COL11A1: variants seen among roughly 807,000 people sequenced by gnomAD.
The protein encoded by COL11A1 is collagen alpha-1(XI) chain.
In COL11A1, 74 loss-of-function variants were observed where a neutral mutation model predicts 265.2. That is an observed-to-expected ratio of 0.28 (90% CI 0.23 to 0.34). COL11A1 has a LOEUF of 0.34. COL11A1 is among the 10% of genes least tolerant of loss of function. The pLI, the probability that COL11A1 is intolerant of heterozygous loss-of-function variation, is 1.00. For synonymous variants in COL11A1, 816 were observed against 727.6 expected (o/e 1.12, Z -1.96); for missense variants, 2,165 against 2,263.6 (o/e 0.96, Z 0.88).
At chr1:103,080,955 A>G (rs1386883103) in intron 2 of COL11A1, among the ~76,000 whole-genome samples, 1 of 151,842 alleles carries the variant, frequency 6.6e-6, no homozygotes, top group African/African-American at 2.4e-5. Flanking sequence ...TTATTGCAAT[A>G]TTATTCATAA....
intron 37 of COL11A1, among the ~76,000 whole-genome samples, chr1:102,968,477 T>C (rs1661649509): frequency 6.6e-6 from 1 of 152,224 alleles, no homozygotes; most frequent in Non-Finnish European, 1.5e-5. Flanking sequence ...CAAATGAATG[T>C]AAGATGTCAG....
chr1:103,080,618 A>T (rs139432728), intron 2 of COL11A1, among the ~76,000 whole-genome samples: 1 of 151,984 alleles, frequency 6.6e-6, no homozygotes, highest in African/African-American at 2.4e-5. Context: ...AACTGCAATG[A>T]GCTATTACCC....
chr1:103,048,388 C>T (rs1199261950), intron 4 of COL11A1, among the ~76,000 whole-genome samples: 2 of 152,140 alleles, frequency 1.3e-5, no homozygotes, highest in Non-Finnish European at 2.9e-5. Context: ...AGTTTATTTG[C>T]ATAGAGGTGT....
chr1:103,074,920 A>T, intron 3 of COL11A1, 140 bp from the exon 4 acceptor site: 2 of 1,004,752 alleles, frequency 2.0e-6, no homozygotes, highest in Non-Finnish European at 3.0e-6. Flanking sequence ...TTTATTAAGC[A>T]GCCAGTTAAC....
Position 102,878,128 on chromosome 1 carries a change from T to G in COL11A1, c.5312A>C (p.Asn1771Thr), listed in dbSNP as rs1195447527. The change falls in exon 67 of 67, where the codon AAT becomes ACT. Residue 1771 changes from asparagine (N) to threonine (T), a missense_variant. By Grantham distance (65) the Asn-to-Thr change is moderately conservative. Transcript: ENST00000370096. ...KGYEKTVIEINTPKIDQVPIV... is the reference protein window; with the variant it reads ...KGYEKTVIEITTPKIDQVPIV... ...AGGTACTTGATCAATTTTTGGTGTATTGATTTCAATGACAGTCTTTTCATA... is the reference window on the plus strand; with the variant it reads ...AGGTACTTGATCAATTTTTGGTGTAGTGATTTCAATGACAGTCTTTTCATA... The G allele has an allele frequency of 3.1e-6, 5 of 1,613,140 alleles. No homozygotes were observed. The highest frequency in any genetic ancestry group is 1.3e-5 in the African/African-American group (1 of 74,882).
chr1:102,939,696 C>T (rs988846830), intron 43 of COL11A1, among the ~76,000 whole-genome samples: 1 of 150,336 alleles, frequency 6.7e-6, no homozygotes, highest in African/African-American at 2.5e-5. Flanking sequence ...AAAAAAGACT[C>T]TCTCTCTCAA....
chr1:103,041,790 A>G (rs1668830638), intron 4 of COL11A1, among the ~76,000 whole-genome samples: 1 of 152,042 alleles, frequency 6.6e-6, no homozygotes, highest in African/African-American at 2.4e-5. Flanking sequence ...AACATGCAAT[A>G]TCTGTTGAAC....
intron 13 of COL11A1, 87 bp from the exon 14 acceptor site, chr1:103,012,556 A>C: frequency 1.0e-6 from 1 of 958,402 alleles, no homozygotes; most frequent in Non-Finnish European, 1.7e-6. Flanking sequence ...GCTGCCCTTA[A>C]GTAATACATG....
At chr1:103,015,966 T>G (rs186887711) in intron 11 of COL11A1, among the ~76,000 whole-genome samples, 2 of 152,188 alleles carry the variant, frequency 1.3e-5, no homozygotes, top group East Asian at 3.9e-4. Flanking sequence ...CCAATTAAGC[T>G]ATAAATTTTG....
intron 52 of COL11A1, 30 bp from the exon 53 acceptor site, chr1:102,913,720 A>T: frequency 1.3e-6 from 2 of 1,598,798 alleles, no homozygotes; most frequent in South Asian, 2.2e-5. Flanking sequence ...ATGAAGCAAG[A>T]TATATCTCAG....
chr1:102,914,780 T>G lies in COL11A1; in HGVS notation c.3848A>C (p.Glu1283Ala), dbSNP rs1474826014. The change falls in exon 51 of 67, where the codon GAA becomes GCA. Residue 1283 changes from glutamate to alanine, a missense_variant. Glu to Ala is a moderately radical substitution (Grantham distance 107). Coordinates refer to ENST00000370096, the MANE Select transcript of COL11A1 (RefSeq NM_001854.4). ...GPKGERGEKG[E>A]AGPPGAAGPP... ...TCCAGCAGCTCCAGGTGGACCAGCT[T>G]CCCCTTTCTCTCCTCTTTCTCCTTT... 1 of 1,611,434 alleles carries G rather than the reference T, an allele frequency of 6.2e-7. No homozygotes were observed. Among genetic ancestry groups the G allele is most frequent in the Admixed American group, 1.7e-5 (1 of 59,618 alleles).
At chr1:102,999,155 G>C (rs1664891474) in intron 24 of COL11A1, among the ~76,000 whole-genome samples, 1 of 152,012 alleles carries the variant, frequency 6.6e-6, no homozygotes, top group East Asian at 1.9e-4. Context: ...GAAGGTCAAG[G>C]ACATATCAGC....
chr1:103,102,553 C>G (rs977048051), intron 1 of COL11A1, among the ~76,000 whole-genome samples: 7 of 152,184 alleles, frequency 4.6e-5, no homozygotes, highest in Non-Finnish European at 1.0e-4. Flanking sequence ...CTGACCAACG[C>G]TCAGTCCCCA....
At chr1:103,061,202 C>T (rs1162756800) in intron 4 of COL11A1, among the ~76,000 whole-genome samples, 1 of 151,750 alleles carries the variant, frequency 6.6e-6, no homozygotes, top group Non-Finnish European at 1.5e-5. Flanking sequence ...GGTCAGTGCA[C>T]CAAAAAGACA....
At chr1:102,930,578 C>T (rs1205076338) in intron 46 of COL11A1, among the ~76,000 whole-genome samples, 2 of 152,166 alleles carry the variant, frequency 1.3e-5, no homozygotes, top group Non-Finnish European at 2.9e-5. Context: ...CTCTGCCCGG[C>T]TTTAGTATCA....
At chr1:102,880,061 G>T in intron 65 of COL11A1, 145 bp from the exon 66 acceptor site, 1 of 634,364 alleles carries the variant, frequency 1.6e-6, no homozygotes, top group Non-Finnish European at 2.8e-6. Context: ...GAAAAAAAGT[G>T]TACATTGAGG....
At position 103,082,989 on chromosome 1, in the gene COL11A1, C is replaced by A; in HGVS notation, c.107-17G>T. The A allele has an allele frequency of 1.2e-6, 2 of 1,610,758 alleles. No individual in the cohort carries two copies. Among genetic ancestry groups the A allele is most frequent in the Non-Finnish European group, 1.7e-6 (2 of 1,178,380 alleles). ...CTGGAGCAGCTGAAAAATAAGCAAA[C>A]AATAAAAAACCAGAATTGAACAACG... On this transcript the variant is annotated splice_polypyrimidine_tract_variant and intron_variant, in intron 1 of 66. Transcript: ENST00000370096.
At chr1:102,939,184 TACATGCTA>T in intron 43 of COL11A1, 96 bp from the exon 44 acceptor site, 1 of 1,083,268 alleles carries the variant, frequency 9.2e-7, no homozygotes. Context: ...TTAATATAAT[TACATGCTA>T]GTGTGTAATG....
At chr1:102,914,913 T>C in intron 50 of COL11A1, 102 bp from the exon 51 acceptor site, 2 of 956,286 alleles carry the variant, frequency 2.1e-6, no homozygotes, top group East Asian at 2.6e-5. Context: ...GGCCAGAATA[T>C]ATTTTTTTTT....
Sources: allele counts gnomAD v4.1 joint callset (sites outside exome capture counted in the v4.1 genomes callset), GRCh38; gene constraint gnomAD v4.1.1; transcripts MANE v1.5; gene names NCBI Gene and HGNC (gene_info 2026-07-23, HGNC 2026-07-21).